The following SLC7A1 variants were observed in gnomAD, a reference collection of about 807,000 sequenced individuals.
The protein encoded by SLC7A1 is high affinity cationic amino acid transporter 1.
SLC7A1 carries 10 observed loss-of-function variants against 53.9 expected under a neutral mutation model. The observed-to-expected ratio is 0.19, with a 90% CI of 0.11 to 0.31. SLC7A1 has a LOEUF of 0.31. Ranked by LOEUF, SLC7A1 falls within the 10% of genes least tolerant of loss-of-function variation. The pLI is 1.00. For synonymous variants in SLC7A1, 342 were observed against 338.7 expected (o/e 1.01, Z -0.11); for missense variants, 525 against 827.2 (o/e 0.63, Z 4.48).
chr13:29,570,385 T>A (rs781677865), intron 1 of SLC7A1, among the ~76,000 whole-genome samples: 1 of 152,250 alleles, frequency 6.6e-6, no homozygotes, highest in Non-Finnish European at 1.5e-5. Flanking sequence ...GCCCTCGCTG[T>A]GTGAACTTGA....
intron 1 of SLC7A1, among the ~76,000 whole-genome samples, chr13:29,581,218 TCTCC>T (rs1355105436): frequency 6.6e-6 from 1 of 152,048 alleles, no homozygotes; most frequent in Non-Finnish European, 1.5e-5. Context: ...CCCTCGCTTC[TCTCC>T]CTGTGAGAAG....
Position 29,510,382 on chromosome 13 carries a change from C to T in SLC7A1, c.*4098G>A, listed in dbSNP as rs2139053714. On this transcript the variant is annotated 3_prime_UTR_variant, in exon 13 of 13. Transcript: ENST00000380752. Reference sequence around the variant, plus strand: ...GACACATGGAGTGTAGCTTCTTGCACCACTGGATCAACAGTAATCAATTTC... The same window carrying T: ...GACACATGGAGTGTAGCTTCTTGCATCACTGGATCAACAGTAATCAATTTC... 6.5e-6 allele frequency: 1 copy of T among 152,728 alleles called. No individual in the cohort carries two copies. Among genetic ancestry groups the T allele is most frequent in the Middle Eastern group, 3.4e-3 (1 of 294 alleles). 9.5% of individuals were successfully genotyped at this position (152,728 alleles called of 1,614,324 possible).
At chr13:29,553,117 A>G (rs893540780) in intron 2 of SLC7A1, among the ~76,000 whole-genome samples, 4 of 152,238 alleles carry the variant, frequency 2.6e-5, no homozygotes, top group Non-Finnish European at 5.9e-5. Flanking sequence ...GCAGATGGTT[A>G]CAGCACCTAA....
chr13:29,533,260 C>T (rs113300321), intron 3 of SLC7A1, among the ~76,000 whole-genome samples: 3,959 of 144,860 alleles, frequency 0.027, 161 homozygotes, highest in African/African-American at 0.094. Context: ...ATAAAAAGTT[C>T]GCAAAACGAG....
chr13:29,541,503 A>C (rs1477741186), intron 2 of SLC7A1, among the ~76,000 whole-genome samples: 1 of 152,192 alleles, frequency 6.6e-6, no homozygotes, highest in Non-Finnish European at 1.5e-5. Context: ...TGTCGTCAGA[A>C]GCCACTGCCA....
intron 1 of SLC7A1, among the ~76,000 whole-genome samples, chr13:29,581,347 T>C (rs1273980710): frequency 1.3e-5 from 2 of 152,096 alleles, no homozygotes; most frequent in Non-Finnish European, 2.9e-5. Context: ...TCTACTTTGC[T>C]CTCTTCTTCC....
At chr13:29,533,686 C>A (rs919822628) in intron 3 of SLC7A1, among the ~76,000 whole-genome samples, 3 of 152,164 alleles carry the variant, frequency 2.0e-5, no homozygotes, top group Non-Finnish European at 4.4e-5. Flanking sequence ...TCAGCCTGCA[C>A]CCTCCGGTGC....
At chr13:29,533,179 G>A (rs1869253292) in intron 3 of SLC7A1, among the ~76,000 whole-genome samples, 197 bp from the exon 4 acceptor site, 1 of 152,160 alleles carries the variant, frequency 6.6e-6, no homozygotes, top group Non-Finnish European at 1.5e-5. Context: ...GGCTTCTAGG[G>A]CCTACAGAGG....
At chr13:29,564,784 A>G (rs1870897663) in intron 1 of SLC7A1, among the ~76,000 whole-genome samples, 1 of 152,260 alleles carries the variant, frequency 6.6e-6, no homozygotes, top group South Asian at 2.1e-4. Flanking sequence ...AAATACTGCT[A>G]CATTCACAGA....
intron 2 of SLC7A1, among the ~76,000 whole-genome samples, chr13:29,547,255 A>G (rs943381100): frequency 7.9e-5 from 12 of 152,342 alleles, no homozygotes; most frequent in African/African-American, 2.2e-4. Context: ...GAGTGAATCA[A>G]CGTAATCCAT....
intron 1 of SLC7A1, among the ~76,000 whole-genome samples, chr13:29,583,925 A>G (rs1274491999): frequency 1.3e-5 from 2 of 152,206 alleles, no homozygotes; most frequent in African/African-American, 4.8e-5. Flanking sequence ...AGTTAAAAAA[A>G]CAAACAAACA....
chr13:29,517,050 A>T (rs1883577641), intron 11 of SLC7A1, 94 bp downstream of exon 11: 1 of 1,263,670 alleles, frequency 7.9e-7, no homozygotes, highest in Admixed American at 2.8e-5. Flanking sequence ...CCTCGGGAGC[A>T]CCCAGGCCCG....
At chr13:29,522,192 A>C in intron 8 of SLC7A1, 125 bp downstream of exon 8, 1 of 990,304 alleles carries the variant, frequency 1.0e-6, no homozygotes, top group Non-Finnish European at 1.5e-6. Flanking sequence ...CTCCAAGTAT[A>C]AAAACCAGGA....
chr13:29,571,081 C>T (rs1871171085), intron 1 of SLC7A1, among the ~76,000 whole-genome samples: 1 of 152,092 alleles, frequency 6.6e-6, no homozygotes, highest in African/African-American at 2.4e-5. Context: ...ATTAAGTACC[C>T]AAAATGATAA....
In SLC7A1 at chr13:29,509,578, G is replaced by A. The variant is rs536157566; in HGVS notation, c.*4902C>T. 13 of 152,672 alleles carry A rather than the reference G, an allele frequency of 8.5e-5. No individual in the cohort carries two copies. Among genetic ancestry groups the A allele is most frequent in the Admixed American group, 7.8e-4 (12 of 15,300 alleles). 9.5% of individuals were successfully genotyped at this position (152,672 alleles called of 1,614,324 possible). A position where few individuals can be genotyped will look rare whatever the true frequency, so the allele number is the denominator to read the frequency against. On this transcript the variant is annotated 3_prime_UTR_variant, in exon 13 of 13. Transcript: ENST00000380752. The stretch of plus-strand genomic sequence containing the variant: ...TCACATTTTTTGAAAGGTGGTGGAC[G>A]ACAACTACACTTGTCCTTAAAGTAA...
At chr13:29,579,923 C>T (rs116045611) in intron 1 of SLC7A1, among the ~76,000 whole-genome samples, 49 of 152,276 alleles carry the variant, frequency 3.2e-4, no homozygotes, top group African/African-American at 1.2e-3. Flanking sequence ...TCTCTGTCAT[C>T]GTCCTCCTAC....
At chr13:29,546,960 C>T (rs1007544140) in intron 2 of SLC7A1, among the ~76,000 whole-genome samples, 10 of 152,152 alleles carry the variant, frequency 6.6e-5, no homozygotes, top group Non-Finnish European at 1.0e-4. Flanking sequence ...AGAATAAGAG[C>T]GCGGAGTGTA....
intron 1 of SLC7A1, among the ~76,000 whole-genome samples, chr13:29,573,421 C>G (rs1257315556): frequency 6.6e-6 from 1 of 152,142 alleles, no homozygotes; most frequent in African/African-American, 2.4e-5. Flanking sequence ...ACTCTGGCAG[C>G]TGAAGGAGGA....
intron 4 of SLC7A1, among the ~76,000 whole-genome samples, chr13:29,532,512 G>C (rs1869208202): frequency 6.6e-6 from 1 of 152,114 alleles, no homozygotes; most frequent in Non-Finnish European, 1.5e-5. Flanking sequence ...TTATTCCCAG[G>C]ACACTCACAC....
Sources: gnomAD v4.1 joint callset for allele counts (sites outside exome capture counted in the v4.1 genomes callset) on GRCh38, gnomAD v4.1.1 for gene constraint, MANE v1.5 for transcripts, NCBI Gene and HGNC (gene_info 2026-07-23, HGNC 2026-07-21) for gene names.